Variants in ATXN1 observed in about 807,000 individuals in gnomAD.
The protein encoded by ATXN1 is ataxin 1, also known as ataxin-1.
Under a neutral mutation model 56.4 loss-of-function variants are expected in ATXN1, and 8 were observed. That is an observed-to-expected ratio of 0.14 (90% confidence interval 0.08 to 0.26). The LOEUF is 0.26. Ranked by LOEUF, ATXN1 falls within the 10% of genes least tolerant of loss-of-function variation. The probability of loss-of-function intolerance (pLI) is 1.00; values close to 1 mark genes in which losing one functional copy is unlikely to be tolerated. For missense variants in ATXN1, 987 were observed against 1,106.5 expected (o/e 0.89, Z 1.53); for synonymous variants, 514 against 494.6 (o/e 1.04, Z -0.52).
At chr6:16,530,511 A>G (rs996486627) in intron 4 of ATXN1, among the ~76,000 whole-genome samples, 3 of 152,212 alleles carry the variant, frequency 2.0e-5, no homozygotes, top group Admixed American at 6.5e-5. Flanking sequence ...ACCTCTTAGC[A>G]GATTCATCCA....
intron 5 of ATXN1, among the ~76,000 whole-genome samples, chr6:16,507,419 C>T (rs368483513): frequency 2.6e-5 from 4 of 152,302 alleles, no homozygotes; most frequent in East Asian, 1.9e-4. Context: ...CCTTTGAATA[C>T]GCCAGACAAG....
At chr6:16,463,445 G>A (rs1416593595) in intron 6 of ATXN1, among the ~76,000 whole-genome samples, 1 of 152,190 alleles carries the variant, frequency 6.6e-6, no homozygotes, top group East Asian at 1.9e-4. Context: ...ACAGGAACCA[G>A]AATAGCCAGT....
chr6:16,598,148 A>G (rs1407529807), intron 3 of ATXN1, among the ~76,000 whole-genome samples: 3 of 152,216 alleles, frequency 2.0e-5, no homozygotes, highest in Non-Finnish European at 4.4e-5. Flanking sequence ...AAAAAGTTAA[A>G]ACAAAAAATT....
chr6:16,379,370 T>C (rs1762206152), intron 6 of ATXN1, among the ~76,000 whole-genome samples: 1 of 152,176 alleles, frequency 6.6e-6, no homozygotes, highest in Non-Finnish European at 1.5e-5. Flanking sequence ...AGAACTTATG[T>C]AACCAAATAC....
chr6:16,647,019 T>G (rs534928322), intron 3 of ATXN1, among the ~76,000 whole-genome samples: 219 of 152,312 alleles, frequency 1.4e-3, no homozygotes, highest in African/African-American at 5.2e-3. Flanking sequence ...GTTTTGTTTT[T>G]TTTGAGAAGA....
chr6:16,655,767 A>AT (rs200691786), intron 3 of ATXN1, among the ~76,000 whole-genome samples: 5 of 150,462 alleles, frequency 3.3e-5, no homozygotes, highest in African/African-American at 9.7e-5. Flanking sequence ...ACTGTGCCAC[A>AT]TTTTTTTTTA....
At position 16,506,290 on chromosome 6, in the gene ATXN1, G is replaced by A. The variant is rs1369250500; in HGVS notation, c.-299+16337C>T. ...CGTTTCAAGTTCATCATTTTATTAA[G>A]CAATGAGTCAAATGAAGAAAGTGGT... On this transcript the variant is annotated intron_variant, in intron 5 of 7. Coordinates refer to ENST00000436367, the MANE Select transcript of ATXN1 (RefSeq NM_001128164.2). This position sits in a 1 kb window ranked among gnomAD's most constrained non-coding sequence, Gnocchi z 4.1. 6.6e-6 allele frequency among the ~76,000 whole-genome samples: 1 copy of A among 152,140 alleles called. No homozygotes were observed. Among genetic ancestry groups the A allele is most frequent in the Non-Finnish European group, 1.5e-5 (1 of 68,032 alleles).
At chr6:16,584,263 C>T (rs2113763667) in intron 4 of ATXN1, among the ~76,000 whole-genome samples, 1 of 119,322 alleles carries the variant, frequency 8.4e-6, no homozygotes, top group Admixed American at 8.3e-5. Flanking sequence ...CACACACACA[C>T]ACACACACAT....
At chr6:16,617,612 C>G (rs1469866981) in intron 3 of ATXN1, among the ~76,000 whole-genome samples, 1 of 151,702 alleles carries the variant, frequency 6.6e-6, no homozygotes. Flanking sequence ...AAAACACACA[C>G]AAAAATTAGC....
chr6:16,585,359 A>G (rs184233035), intron 4 of ATXN1, among the ~76,000 whole-genome samples: 1 of 152,322 alleles, frequency 6.6e-6, no homozygotes, highest in East Asian at 1.9e-4. Context: ...ATTAATAACT[A>G]TACGGTAGAA....
chr6:16,757,711 T>A (rs1333429678), intron 1 of ATXN1, among the ~76,000 whole-genome samples: 1 of 152,136 alleles, frequency 6.6e-6, no homozygotes, highest in Non-Finnish European at 1.5e-5. Flanking sequence ...CAAGACATAA[T>A]TCTCAATTAT....
In ATXN1 at chr6:16,548,901, C is replaced by T. The variant is rs558766107; in HGVS notation, c.-360-26213G>A. On this transcript the variant is annotated intron_variant, in intron 4 of 7. Transcript: ENST00000436367. Reference sequence around the variant, plus strand: ...TTGCACCACTGCACTCCAGCCTGGGCGACAAAGTAAGGCTGTCTCAATAAA... The same window carrying T: ...TTGCACCACTGCACTCCAGCCTGGGTGACAAAGTAAGGCTGTCTCAATAAA... Among the ~76,000 whole-genome samples the T allele has an allele frequency of 1.1e-4, 16 of 152,108 alleles. No individual in the cohort carries two copies. In the East Asian group the frequency reaches 2.3e-3, roughly 22 times the overall value.
At chr6:16,463,790 C>T (rs193174196) in intron 6 of ATXN1, among the ~76,000 whole-genome samples, 8 of 152,344 alleles carry the variant, frequency 5.3e-5, no homozygotes, top group African/African-American at 1.2e-4. Context: ...CCCCTTTCTA[C>T]GTCCCATGAC....
chr6:16,409,652 C>CA (rs542201666), intron 6 of ATXN1, among the ~76,000 whole-genome samples: 64,071 of 105,884 alleles, frequency 0.61, 18,487 homozygotes, highest in African/African-American at 0.77. Context: ...GACTAGGTCT[C>CA]AAAAAAAAAA....
At chr6:16,606,891 T>TGTGTGTGTGTGTGTGTGTGTGTG (rs1324613113) in intron 3 of ATXN1, among the ~76,000 whole-genome samples, 23 of 17,856 alleles carry the variant, frequency 1.3e-3, no homozygotes, top group African/African-American at 2.4e-3. Context: ...GTGTGTGTTG[T>TGTGTGTGTGTGTGTGTGTGTGTG]TTGTTTGTTT....
intron 6 of ATXN1, among the ~76,000 whole-genome samples, chr6:16,414,659 G>A (rs1382238445): frequency 1.3e-5 from 2 of 152,054 alleles, no homozygotes; most frequent in African/African-American, 4.8e-5. Flanking sequence ...ACAAAAAAAC[G>A]CTAAACCCAG....
At chr6:16,443,943 C>T (rs910661978) in intron 6 of ATXN1, among the ~76,000 whole-genome samples, 11 of 152,086 alleles carry the variant, frequency 7.2e-5, no homozygotes, top group South Asian at 2.1e-4. Flanking sequence ...AGTGAAACCC[C>T]GTCTCTACTA....
chr6:16,621,406 T>C (rs1179667318), intron 3 of ATXN1, among the ~76,000 whole-genome samples: 1 of 152,164 alleles, frequency 6.6e-6, no homozygotes, highest in African/African-American at 2.4e-5. Context: ...GACACAACTA[T>C]TTATCAAAAA....
At position 16,326,371 on chromosome 6, in the gene ATXN1, T is replaced by G; in HGVS notation, c.1917+23A>C. 1 of 1,610,228 alleles carries G rather than the reference T, an allele frequency of 6.2e-7. No individual in the cohort carries two copies. On this transcript the variant is annotated intron_variant, in intron 7 of 7. Coordinates refer to ENST00000436367, the MANE Select transcript of ATXN1 (RefSeq NM_001128164.2). The surrounding 1 kb of genome is among the most constrained non-coding windows in gnomAD (Gnocchi z 6.6). ...GCATCACGGTGTGGTGTCCCATCCC[T>G]GTGCCACCCTGGCTAACGTTACCTG...
Sources: gnomAD v4.1 joint callset for allele counts (sites outside exome capture counted in the v4.1 genomes callset) on GRCh38, gnomAD v4.1.1 for gene constraint, Gnocchi (gnomAD v3.1) non-coding constraint, MANE v1.5 for transcripts, NCBI Gene and HGNC (gene_info 2026-07-23, HGNC 2026-07-21) for gene names.